CACNA1S: variants seen among roughly 807,000 people sequenced by gnomAD.
The protein encoded by CACNA1S is voltage-dependent L-type calcium channel subunit alpha-1S.
In CACNA1S, 126 loss-of-function variants were observed where a neutral mutation model predicts 207.4. The ratio of observed to expected loss-of-function variants is 0.61; its 90% CI spans 0.53 to 0.70. The LOEUF (loss-of-function observed/expected upper bound fraction) is 0.70. CACNA1S is among the 30% of genes least tolerant of loss of function. The probability of loss-of-function intolerance (pLI) is 0.00; values close to 1 mark genes in which losing one functional copy is unlikely to be tolerated. For missense variants in CACNA1S, 2,349 were observed against 2,422.8 expected, an observed-to-expected ratio of 0.97 and a Z score of 0.64; for synonymous variants, 960 against 932.7, an observed-to-expected ratio of 1.03 and a Z score of -0.53.
At position 201,058,723 on chromosome 1, in the gene CACNA1S, G is replaced by A. The variant is rs58124792; in HGVS notation, c.3526-232C>T. Among the ~76,000 whole-genome samples the A allele has an allele frequency of 0.033, 4,967 of 152,218 alleles. 246 individuals are homozygous for A. Among genetic ancestry groups the A allele is most frequent in the African/African-American group, 0.11 (4,481 of 41,512 alleles). On this transcript the variant is annotated intron_variant, in intron 27 of 43. Coordinates refer to ENST00000362061, the MANE Select transcript of CACNA1S (RefSeq NM_000069.3). ...CCTCCAGAGCAGAAAGTAGTGGTGG[G>A]GGGGAGGGGAGAATTGTTGGGAACT...
Position 201,061,390 on chromosome 1 carries a change from G to T in CACNA1S, c.3132C>A (p.Phe1044Leu), listed in dbSNP as rs769041007. ...CAATGAGGATGATGTAGATGATGAA[G>T]AAGATGGCCATCTCCACACGGTTGT... ...IYNNRVEMAIFFIIYIILIAF... is the reference protein window; with the variant it reads ...IYNNRVEMAILFIIYIILIAF... The change falls in exon 25 of 44, where the codon TTC (phenylalanine) becomes TTA (leucine). Residue 1044 changes from phenylalanine to leucine, a missense_variant. Physicochemically the swap from Phe to Leu is conservative, Grantham distance 22 (BLOSUM62 0). Transcript: ENST00000362061. The T allele has an allele frequency of 6.2e-6, 10 of 1,614,226 alleles. No individual in the cohort carries two copies. Among genetic ancestry groups the T allele is most frequent in the Non-Finnish European group, 8.5e-6 (10 of 1,180,030 alleles).
At chr1:201,062,714 T>C (rs1661106362) in intron 22 of CACNA1S, among the ~76,000 whole-genome samples, 200 bp from the exon 23 acceptor site, 1 of 152,174 alleles carries the variant, frequency 6.6e-6, no homozygotes, top group Non-Finnish European at 1.5e-5. Context: ...TTCTTCACCA[T>C]CGTTCATTCC....
chr1:201,054,479 GGCAGGCTCGT>G lies in CACNA1S; in HGVS notation c.3666+16_3666+25del. The G allele has an allele frequency of 1.2e-6, 2 of 1,609,390 alleles. No individual in the cohort carries two copies. Among genetic ancestry groups the G allele is most frequent in the Non-Finnish European group, 1.7e-6 (2 of 1,176,200 alleles). On this transcript the variant is annotated intron_variant, in intron 29 of 43. Transcript: ENST00000362061. The stretch of plus-strand genomic sequence containing the variant: ...AGGGCAGGAGCTGGTGAGCGTGCCA[GGCAGGCTCGT>G]GCAGCCTGAAATTACAACGTTCCCG...
chr1:201,096,003 C>A (rs1662412094), intron 2 of CACNA1S, among the ~76,000 whole-genome samples: 1 of 152,176 alleles, frequency 6.6e-6, no homozygotes, highest in Admixed American at 6.5e-5. Context: ...GTTGCTGCAA[C>A]CCCAGAGGGA....
chr1:201,106,306 C>T (rs1430057275), intron 2 of CACNA1S, among the ~76,000 whole-genome samples: 1 of 152,140 alleles, frequency 6.6e-6, no homozygotes, highest in African/African-American at 2.4e-5. Flanking sequence ...GCTCCCTGCC[C>T]CCTTCCCTGC....
At chr1:201,085,086 AC>A in intron 8 of CACNA1S, 55 bp from the exon 9 acceptor site, 4 of 1,269,852 alleles carry the variant, frequency 3.1e-6, no homozygotes, top group Non-Finnish European at 4.6e-6. Flanking sequence ...TGGGCTGGAC[AC>A]ACCTGGACTG....
At chr1:201,097,702 CCA>C (rs1662488656) in intron 2 of CACNA1S, among the ~76,000 whole-genome samples, 2 of 152,156 alleles carry the variant, frequency 1.3e-5, no homozygotes, top group African/African-American at 4.8e-5. Context: ...TGACATTCCC[CCA>C]TCAGTAATAG....
Position 201,053,557 on chromosome 1 carries a change from C to G in CACNA1S, c.3697G>C (p.Ala1233Pro). The G allele has an allele frequency of 6.2e-7, 1 of 1,613,850 alleles. No individual in the cohort carries two copies. Among genetic ancestry groups the G allele is most frequent in the African/African-American group, 1.3e-5 (1 of 74,966 alleles). The change falls in exon 30 of 44, where the codon GCC becomes CCC. Residue 1233 changes from alanine (A) to proline (P), a missense_variant. Coordinates refer to ENST00000362061, the MANE Select transcript of CACNA1S (RefSeq NM_000069.3). This position sits in a 1 kb window ranked among gnomAD's most constrained non-coding sequence, Gnocchi z 5.1. ...ATGACACGGAACAGGCGGAAGAAGG[C>G]GCTGGAGATGCGGGCACTCTCATCT... ...DPDESARISS[A>P]FFRLFRVMRL... is the part of the protein sequence containing the mutation.
At chr1:201,091,852 C>T (rs2102164276) in intron 4 of CACNA1S, 60 bp from the exon 5 acceptor site, 2 of 1,594,792 alleles carry the variant, frequency 1.3e-6, no homozygotes, top group South Asian at 2.2e-5. Context: ...TCTTGGCCCT[C>T]CCTCCCTATA....
chr1:201,097,155 C>T lies in CACNA1S; in HGVS notation c.259-3134G>A, dbSNP rs558884129. On this transcript the variant is annotated intron_variant, in intron 2 of 43. Coordinates refer to ENST00000362061, the MANE Select transcript of CACNA1S (RefSeq NM_000069.3). ...TCTCCTGCATCCAGCTCCTCCTCTT[C>T]AACTGCCCCTGCCATTGATTGCTCT... Among the ~76,000 whole-genome samples the T allele has an allele frequency of 2.9e-3, 434 of 152,140 alleles. 2 individuals carry two copies. The highest frequency in any genetic ancestry group is 9.9e-3 in the African/African-American group (412 of 41,466).
At chr1:201,094,608 T>TCC (rs1366655097) in intron 2 of CACNA1S, among the ~76,000 whole-genome samples, 2 of 152,144 alleles carry the variant, frequency 1.3e-5, no homozygotes, top group African/African-American at 4.8e-5. Flanking sequence ...TACTCAGAAC[T>TCC]CCAGATGCCT....
chr1:201,071,381 A>G (rs911701132), intron 16 of CACNA1S, among the ~76,000 whole-genome samples: 4 of 151,806 alleles, frequency 2.6e-5, no homozygotes, highest in African/African-American at 9.7e-5. Context: ...TGTCTTGCCC[A>G]GCCTGCCACA....
At position 201,039,786 on chromosome 1, in the gene CACNA1S, C is replaced by A; in HGVS notation, c.*45G>T. On this transcript the variant is annotated 3_prime_UTR_variant, in exon 44 of 44. Coordinates refer to ENST00000362061, the MANE Select transcript of CACNA1S (RefSeq NM_000069.3). The stretch of plus-strand genomic sequence containing the variant: ...TCCACCCCAGCAACTTCCCCACCCC[C>A]ATTGGTCATGCCAGCTCTAAGCCCA... 6.3e-7 allele frequency: 1 copy of A among 1,599,742 alleles called. No homozygotes were observed. Among genetic ancestry groups the A allele is most frequent in the South Asian group, 1.1e-5 (1 of 91,018 alleles).
intron 10 of CACNA1S, among the ~76,000 whole-genome samples, chr1:201,080,939 C>T (rs1239963031): frequency 6.6e-6 from 1 of 152,176 alleles, no homozygotes; most frequent in African/African-American, 2.4e-5. Flanking sequence ...ATCCTTGGAC[C>T]ATGAGAGGTA....
Position 201,047,546 on chromosome 1 carries a change from G to C in CACNA1S, c.4522C>G (p.Gln1508Glu), listed in dbSNP as rs970352258. The C allele has an allele frequency of 3.1e-6, 5 of 1,613,706 alleles. No individual in the cohort carries two copies. The African/African-American group carries it at 6.7e-5, about 22-fold the overall frequency. Residue 1508 changes from glutamine to glutamate, a missense_variant, in exon 37 of 44, where the codon CAG becomes GAG. Coordinates refer to ENST00000362061, the MANE Select transcript of CACNA1S (RefSeq NM_000069.3). ...CTACCTCCTATTGGAGGGATGACCT[G>C]GTCCAAGAGCTTCATGCTGGTTCTC... ...WKRTSMKLLD[Q>E]VIPPIGDDEV...
intron 16 of CACNA1S, among the ~76,000 whole-genome samples, chr1:201,071,160 T>C (rs1248265549): frequency 6.6e-6 from 1 of 152,120 alleles, no homozygotes. Context: ...GGGTTTCTCT[T>C]GGTTCCCTCC....
rs1239779076 is a variant in CACNA1S, at chr1:201,085,428, G to A, written c.1150+8C>T. On this transcript the variant is annotated splice_region_variant and intron_variant, in intron 8 of 43. Transcript: ENST00000362061. ...GGTGAGTGCTGACCACAGCCTTTGG[G>A]CCCAAACCTTCTCTGAAGTCCTCAA... is the stretch of plus-strand genomic sequence containing the variant. 6.2e-7 allele frequency: 1 copy of A among 1,613,706 alleles called. No individual in the cohort carries two copies. The highest frequency in any genetic ancestry group is 1.3e-5 in the African/African-American group (1 of 74,796).
intron 3 of CACNA1S, 149 bp from the exon 4 acceptor site, chr1:201,092,263 G>T: frequency 1.3e-6 from 1 of 749,056 alleles, no homozygotes; most frequent in Non-Finnish European, 2.3e-6. Context: ...ACTAACAAAT[G>T]ATCTGATCAT....
chr1:201,104,427 T>C (rs12135240), intron 2 of CACNA1S, among the ~76,000 whole-genome samples: 21,901 of 152,280 alleles, frequency 0.14, 1,713 homozygotes, highest in Admixed American at 0.22. Flanking sequence ...TTCTGTCCTC[T>C]AGAGATGCAA....
Sources: allele counts gnomAD v4.1 joint callset (sites outside exome capture counted in the v4.1 genomes callset), GRCh38; gene constraint gnomAD v4.1.1; non-coding constraint Gnocchi (gnomAD v3.1); transcripts MANE v1.5; gene names NCBI Gene and HGNC (gene_info 2026-07-23, HGNC 2026-07-21).